ASCC3: variants seen among roughly 807,000 people sequenced by gnomAD.
The protein encoded by ASCC3 is activating signal cointegrator 1 complex subunit 3.
Under a neutral mutation model 256.3 loss-of-function variants are expected in ASCC3, and 158 were observed. The observed-to-expected ratio is 0.62, with a 90% CI of 0.54 to 0.70. The LOEUF is 0.70. ASCC3 is among the 30% of genes least tolerant of loss of function. The pLI, the probability that ASCC3 is intolerant of heterozygous loss-of-function variation, is 0.00. For synonymous variants in ASCC3, 948 were observed against 883.4 expected, an observed-to-expected ratio of 1.07 and a Z score of -1.30; for missense variants, 2,259 against 2,626.0, an observed-to-expected ratio of 0.86 and a Z score of 3.05.
At chr6:100,816,134 G>A (rs1281658332) in intron 4 of ASCC3, among the ~76,000 whole-genome samples, 1 of 151,954 alleles carries the variant, frequency 6.6e-6, no homozygotes, top group Non-Finnish European at 1.5e-5. Context: ...AAGATACACT[G>A]TGACCAAAAA....
Position 100,590,448 on chromosome 6 carries a change from G to A in ASCC3, c.5304-389C>T, listed in dbSNP as rs564256287. 1.9e-4 allele frequency among the ~76,000 whole-genome samples: 29 copies of A among 152,206 alleles called. 1 individual carries two copies. Among genetic ancestry groups the A allele is most frequent in the Non-Finnish European group, 3.4e-4 (23 of 68,004 alleles). ...TCCCTGCAACACTGAGAAGTTCTTGGCAAAACCCCATGGCCTCTAGGGATC... is the reference window on the plus strand; with the variant it reads ...TCCCTGCAACACTGAGAAGTTCTTGACAAAACCCCATGGCCTCTAGGGATC... On this transcript the variant is annotated intron_variant, in intron 34 of 41. Coordinates refer to ENST00000369162, the MANE Select transcript of ASCC3 (RefSeq NM_006828.4).
intron 34 of ASCC3, among the ~76,000 whole-genome samples, chr6:100,600,193 ACACATG>A (rs1281075716): frequency 7.3e-5 from 9 of 122,786 alleles, no homozygotes; most frequent in South Asian, 2.5e-4. Flanking sequence ...CCATCTATAC[ACACATG>A]CACATGCACA....
chr6:100,676,834 C>A lies in ASCC3; in HGVS notation c.2286+2784G>T, dbSNP rs1014347321. On this transcript the variant is annotated intron_variant, in intron 14 of 41. Coordinates refer to ENST00000369162, the MANE Select transcript of ASCC3 (RefSeq NM_006828.4). The stretch of plus-strand genomic sequence containing the variant: ...TTTGTTATTTACACAAATAAAAATA[C>A]ATTGTGTTAAATGAAACTGTAAAGA... Among the ~76,000 whole-genome samples, 3 of 152,032 alleles carry A rather than the reference C, an allele frequency of 2.0e-5. No individual in the cohort carries two copies. The South Asian group carries it at 6.2e-4, about 31-fold the overall frequency.
At chr6:100,522,157 T>A (rs1774346852) in intron 37 of ASCC3, among the ~76,000 whole-genome samples, 1 of 152,112 alleles carries the variant, frequency 6.6e-6, no homozygotes, top group Non-Finnish European at 1.5e-5. Flanking sequence ...TGACACTCTA[T>A]CTACCAGACA....
intron 14 of ASCC3, among the ~76,000 whole-genome samples, chr6:100,679,411 C>A (rs1777180387): frequency 1.3e-5 from 2 of 151,890 alleles, no homozygotes; most frequent in Admixed American, 6.6e-5. Flanking sequence ...TCAATTATAA[C>A]CATATAGAAA....
At chr6:100,762,911 G>T (rs185333654) in intron 10 of ASCC3, among the ~76,000 whole-genome samples, 76 of 152,198 alleles carry the variant, frequency 5.0e-4, no homozygotes, top group Admixed American at 2.9e-3. Context: ...TTTAAAAAAA[G>T]ATTAACAATA....
chr6:100,819,129 C>T (rs1348121600), intron 4 of ASCC3, among the ~76,000 whole-genome samples: 1 of 149,994 alleles, frequency 6.7e-6, no homozygotes, highest in Non-Finnish European at 1.5e-5. Flanking sequence ...ATCACTTGGA[C>T]ACAGGGCGGG....
At chr6:100,756,250 A>G (rs9386250) in intron 10 of ASCC3, among the ~76,000 whole-genome samples, 83,038 of 151,348 alleles carry the variant, frequency 0.55, 23,132 homozygotes, top group South Asian at 0.75. Flanking sequence ...AAATACAGGT[A>G]GAATACTTTT....
chr6:100,582,443 T>C (rs943758543), intron 36 of ASCC3, among the ~76,000 whole-genome samples: 38 of 151,718 alleles, frequency 2.5e-4, no homozygotes, highest in South Asian at 2.1e-3. Flanking sequence ...TTTTGTATCC[T>C]GAGACTTTGC....
chr6:100,679,885 C>T (rs1777214337), intron 13 of ASCC3, 133 bp from the exon 14 acceptor site: 1 of 974,604 alleles, frequency 1.0e-6, no homozygotes. Context: ...AATTCTCCAA[C>T]ATATCCCTAT....
At chr6:100,850,179 G>A (rs1772595808) in intron 3 of ASCC3, among the ~76,000 whole-genome samples, 1 of 148,798 alleles carries the variant, frequency 6.7e-6, no homozygotes, top group Admixed American at 6.7e-5. Context: ...ACTATAGCTT[G>A]ATCCAAGCTC....
intron 36 of ASCC3, 72 bp downstream of exon 36, chr6:100,589,562 C>A (rs1021665926): frequency 6.3e-7 from 1 of 1,584,688 alleles, no homozygotes; most frequent in Non-Finnish European, 8.6e-7. Context: ...TGTTAAATTT[C>A]AAGACAAACT....
intron 36 of ASCC3, among the ~76,000 whole-genome samples, chr6:100,571,044 G>A: frequency 6.6e-6 from 1 of 151,944 alleles, no homozygotes; most frequent in East Asian, 1.9e-4. Flanking sequence ...TCACTCATCG[G>A]ATCAAAATCC....
chr6:100,614,414 G>GTAA (rs1773556220), intron 30 of ASCC3, among the ~76,000 whole-genome samples: 1 of 152,150 alleles, frequency 6.6e-6, no homozygotes, highest in Non-Finnish European at 1.5e-5. Context: ...TACAATCACA[G>GTAA]TAATAACAGT....
chr6:100,765,171 T>G (rs1419152656), intron 10 of ASCC3, among the ~76,000 whole-genome samples: 2 of 152,124 alleles, frequency 1.3e-5, no homozygotes, highest in Non-Finnish European at 2.9e-5. Context: ...GATTTCAGAC[T>G]TCTAAACTCC....
At chr6:100,563,539 C>G (rs1770064107) in intron 36 of ASCC3, among the ~76,000 whole-genome samples, 3 of 152,064 alleles carry the variant, frequency 2.0e-5, no homozygotes, top group Admixed American at 6.6e-5. Flanking sequence ...CCAAAGTGTA[C>G]AAACTGTCCT....
intron 34 of ASCC3, among the ~76,000 whole-genome samples, chr6:100,595,850 G>A (rs1013164839): frequency 2.0e-5 from 3 of 152,014 alleles, no homozygotes; most frequent in Non-Finnish European, 1.5e-5. Flanking sequence ...TATCAATGCA[G>A]ATTTTTGTTT....
chr6:100,840,520 T>G (rs1772093214), intron 4 of ASCC3, among the ~76,000 whole-genome samples: 1 of 134,538 alleles, frequency 7.4e-6, no homozygotes, highest in Non-Finnish European at 1.5e-5. Flanking sequence ...GGCGTAAGAG[T>G]CTTTATTGCA....
chr6:100,838,951 C>T (rs1325402254), intron 4 of ASCC3, among the ~76,000 whole-genome samples: 2 of 151,978 alleles, frequency 1.3e-5, no homozygotes, highest in Non-Finnish European at 2.9e-5. Flanking sequence ...AATCTAATAA[C>T]CATACTTATT....
Sources: gnomAD v4.1 joint callset for allele counts (sites outside exome capture counted in the v4.1 genomes callset) on GRCh38, gnomAD v4.1.1 for gene constraint, MANE v1.5 for transcripts, NCBI Gene and HGNC (gene_info 2026-07-23, HGNC 2026-07-21) for gene names.